RBMX: variants seen among roughly 807,000 people sequenced by gnomAD.
The protein encoded by RBMX is RNA binding motif protein X-linked, also known as RNA-binding motif protein, X chromosome.
RBMX carries 1 observed loss-of-function variant against 29.3 expected under a neutral mutation model. That is an observed-to-expected ratio of 0.03 (90% CI 0.01 to 0.16). The LOEUF (loss-of-function observed/expected upper bound fraction) is 0.16, where lower values mean the gene tolerates loss of function less well. Among genes scored for constraint, RBMX ranks in the 10% least tolerant of loss-of-function variants. RBMX has a pLI of 1.00. For missense variants in RBMX, 121 were observed against 333.2 expected, an observed-to-expected ratio of 0.36 and a Z score of 4.96; for synonymous variants, 102 against 102.3, an observed-to-expected ratio of 1.00 and a Z score of 0.02.
chrX:136,875,534 G>A lies in RBMX; in HGVS notation c.593C>T (p.Pro198Leu), dbSNP rs752137808. The change falls in exon 6 of 9, where the codon CCG becomes CTG. Residue 198 changes from proline (P) to leucine (L), a missense_variant. By Grantham distance (98) the Pro-to-Leu change is moderately conservative (BLOSUM62 -3). This residue lies in a region of RBMX where 114 missense variants were observed against 260.0 expected (regional missense o/e 0.44). Coordinates refer to ENST00000320676, the MANE Select transcript of RBMX (RefSeq NM_002139.4). ...ATAAACATCTCTACGAGAGGGCAGC[G>A]GTTCCCTTCGAGGTGGACCTCCATA... ...DSYGGPPRRE[P>L]LPSRRDVYLS... is the part of the protein sequence containing the mutation. 5.0e-6 allele frequency: 6 copies of A among 1,209,630 alleles called. No homozygotes were observed. The highest frequency in any genetic ancestry group is 3.0e-5 in the East Asian group (1 of 33,769).
intron 8 of RBMX, 79 bp downstream of exon 8, chrX:136,875,007 A>C: frequency 8.5e-7 from 1 of 1,170,780 alleles, no homozygotes. Context: ...AAAAGCAAGC[A>C]CCACACAGCC....
At chrX:136,876,125 G>GTTTTT (rs778800086) in intron 5 of RBMX, among the ~76,000 whole-genome samples, 1 of 77,729 alleles carries the variant, frequency 1.3e-5, no homozygotes, top group Non-Finnish European at 2.5e-5. Flanking sequence ...TTTTTTTTTT[G>GTTTTT]TTTTTTTTTT....
chrX:136,874,125 C>A lies in RBMX; in HGVS notation c.*17G>T. ...GTTTCTTTGAACTGGGATTTTGGTC[C>A]AAAGTTTTGTTTGTTTCTAGTATCT... On this transcript the variant is annotated 3_prime_UTR_variant, in exon 9 of 9. Coordinates refer to ENST00000320676, the MANE Select transcript of RBMX (RefSeq NM_002139.4). 8.5e-7 allele frequency: 1 copy of A among 1,180,998 alleles called. No homozygotes were observed. The highest frequency in any genetic ancestry group is 1.1e-6 in the Non-Finnish European group (1 of 879,800).
downstream of RBMX, among the ~76,000 whole-genome samples, chrX:136,870,660 G>A (rs2077678313): frequency 9.3e-6 from 1 of 107,992 alleles, no homozygotes; most frequent in African/African-American, 3.4e-5. Context: ...GTGAAACCCT[G>A]TCTCTACAAA....
intron 2 of RBMX, 75 bp downstream of exon 2, chrX:136,879,244 C>T (rs763412956): frequency 1.5e-5 from 18 of 1,190,021 alleles, no homozygotes; most frequent in South Asian, 5.3e-5. Context: ...TCATGTCAGA[C>T]GATCAATGCA....
At chrX:136,870,151 C>T (rs1284923087), downstream of RBMX, 3 of 112,752 alleles carry the variant, frequency 2.7e-5, no homozygotes, top group Non-Finnish European at 3.7e-5. Context: ...GCTGTAAAAT[C>T]TATGTGAAGA....
At chrX:136,875,638 G>A (rs1355237306) in intron 5 of RBMX, 53 bp from the exon 6 acceptor site, 19 of 1,174,644 alleles carry the variant, frequency 1.6e-5, no homozygotes, top group East Asian at 3.0e-5. Flanking sequence ...AAGTTAAAAC[G>A]TGAACTTACA....
chrX:136,872,660 G>A (rs978920309), downstream of RBMX: 1 of 224,699 alleles, frequency 4.5e-6, no homozygotes, highest in African/African-American at 2.9e-5. Flanking sequence ...TTTTTAGTTG[G>A]AGGTCTTCAA....
intron 3 of RBMX, among the ~76,000 whole-genome samples, chrX:136,878,583 TAAA>T (rs1827523263): frequency 1.2e-5 from 1 of 85,625 alleles, no homozygotes; most frequent in African/African-American, 4.6e-5. Context: ...CTGTCTCTAC[TAAA>T]AATACAAAGT....
chrX:136,877,844 A>C, intron 4 of RBMX, 71 bp downstream of exon 4: 1 of 1,037,153 alleles, frequency 9.6e-7, no homozygotes, highest in Non-Finnish European at 1.3e-6. Flanking sequence ...GACTTAACCA[A>C]AGCATCCACT....
At chrX:136,875,666 A>G in intron 5 of RBMX, 81 bp from the exon 6 acceptor site, 2 of 1,102,098 alleles carry the variant, frequency 1.8e-6, no homozygotes, top group Non-Finnish European at 2.4e-6. Context: ...TATGAAAAAT[A>G]ATGAGACTGA....
At position 136,880,713 on chromosome X, in the gene RBMX, A is replaced by G. The variant is rs903772774; in HGVS notation, c.-143T>C. ...ACCGAACCGCGAAGCCGCTAGCACT[A>G]CTGCGCAACGAGGGCGAACAAAGGA... On this transcript the variant is annotated 5_prime_UTR_variant, in exon 1 of 9. Coordinates refer to ENST00000320676, the MANE Select transcript of RBMX (RefSeq NM_002139.4). 3.3e-5 allele frequency: 4 copies of G among 119,786 alleles called. No homozygotes were observed. The Admixed American group carries it at 3.7e-4, about 11-fold the overall frequency. The allele number at this position is 119,786 out of a possible 1,213,427, so 9.9% of individuals were successfully genotyped here.
downstream of RBMX, chrX:136,870,117 T>C (rs1302131323): frequency 2.7e-5 from 3 of 112,811 alleles, no homozygotes; most frequent in African/African-American, 6.4e-5. Flanking sequence ...CCCATGACTT[T>C]AGCTAAACAA....
intron 4 of RBMX, among the ~76,000 whole-genome samples, chrX:136,877,656 A>AC (rs1300254091): frequency 1.8e-5 from 2 of 110,415 alleles, no homozygotes; most frequent in Non-Finnish European, 3.8e-5. Context: ...CATGTCCAAC[A>AC]CCCTGGCCTA....
intron 3 of RBMX, 54 bp from the exon 4 acceptor site, chrX:136,878,140 TCTA>T (rs1236224047): frequency 3.4e-5 from 35 of 1,020,845 alleles, no homozygotes; most frequent in South Asian, 2.5e-4. Context: ...AATTTGCACA[TCTA>T]CTATGCACTA....
downstream of RBMX, among the ~76,000 whole-genome samples, chrX:136,871,041 G>A (rs766277562): frequency 2.8e-5 from 3 of 108,309 alleles, no homozygotes; most frequent in East Asian, 8.7e-4. Context: ...TTGAACCTGG[G>A]AAGCAGAGGT....
chrX:136,871,830 T>TC (rs1473747317), downstream of RBMX, among the ~76,000 whole-genome samples: 62 of 102,987 alleles, frequency 6.0e-4, no homozygotes, highest in Non-Finnish European at 1.1e-3. Context: ...TTTTTTTTTT[T>TC]TTCTAGTACA....
chrX:136,877,581 G>A (rs188937195), intron 4 of RBMX, among the ~76,000 whole-genome samples: 3 of 107,808 alleles, frequency 2.8e-5, no homozygotes, highest in Non-Finnish European at 5.8e-5. Flanking sequence ...CTCCGTAGTA[G>A]CTGGGATTAC....
In RBMX at chrX:136,874,252, C is replaced by T; in HGVS notation, c.1066G>A (p.Gly356Arg). ...TAGGAATCACGTGGAGGAGGGTACC[C>T]CCTTTCCATAGAAGGGGGAAGCCCT... The part of the protein sequence containing the change: ...ERGLPPSMER[G>R]YPPPRDSYSS... The change falls in exon 9 of 9, where the codon GGG becomes AGG. Residue 356 changes from glycine (G) to arginine (R), a missense_variant. By Grantham distance (125) the Gly-to-Arg change is moderately radical. This residue lies in a region of RBMX where 114 missense variants were observed against 260.0 expected (regional missense o/e 0.44). Coordinates refer to ENST00000320676, the MANE Select transcript of RBMX (RefSeq NM_002139.4). 8.4e-7 allele frequency: 1 copy of T among 1,195,892 alleles called. No individual in the cohort carries two copies. The highest frequency in any genetic ancestry group is 1.7e-5 in the African/African-American group (1 of 57,363).
Sources: allele counts gnomAD v4.1 joint callset (sites outside exome capture counted in the v4.1 genomes callset), GRCh38; gene constraint gnomAD v4.1.1; regional missense constraint gnomAD v4.1.1; transcripts MANE v1.5; gene names NCBI Gene and HGNC (gene_info 2026-07-23, HGNC 2026-07-21).